VAV2: variants seen among roughly 807,000 people sequenced by gnomAD.
VAV2 encodes the protein vav guanine nucleotide exchange factor 2, also known as guanine nucleotide exchange factor VAV2.
A neutral mutation model predicts 132.5 loss-of-function variants in VAV2; 67 were observed. The ratio of observed to expected loss-of-function variants is 0.51; its 90% CI spans 0.42 to 0.62. The LOEUF (loss-of-function observed/expected upper bound fraction) is 0.62. VAV2 is among the 20% of genes least tolerant of loss of function. VAV2 has a pLI of 0.00. For synonymous variants in VAV2, 492 were observed against 443.5 expected, an observed-to-expected ratio of 1.11 and a Z score of -1.37; for missense variants, 938 against 1,153.6, an observed-to-expected ratio of 0.81 and a Z score of 2.71.
At chr9:133,791,944 AC>A in intron 12 of VAV2, 75 bp from the exon 13 acceptor site, 3 of 1,169,064 alleles carry the variant, frequency 2.6e-6, no homozygotes, top group Non-Finnish European at 3.7e-6. Flanking sequence ...AGCAGGCTGT[AC>A]TGGGTGGGGT....
chr9:133,899,744 G>A (rs1051484027), intron 2 of VAV2, among the ~76,000 whole-genome samples: 4 of 149,368 alleles, frequency 2.7e-5, no homozygotes, highest in African/African-American at 7.3e-5. Context: ...TGGGTGTGCC[G>A]GGCGTGGTGG....
chr9:133,929,774 C>T (rs545085966), intron 2 of VAV2, among the ~76,000 whole-genome samples: 65 of 152,110 alleles, frequency 4.3e-4, no homozygotes, highest in South Asian at 3.1e-3. Context: ...CCACCACCAG[C>T]GACCCCAGTG....
Position 133,912,609 on chromosome 9 carries a change from G to T in VAV2, c.321+26494C>A, listed in dbSNP as rs1375648415. ...TGCTTCTCTGCCCATTTCAATCGCG[G>T]AACACAAATTACACGTGTGATGCTC... On this transcript the variant is annotated intron_variant, in intron 2 of 29. Transcript: ENST00000371850. This position sits in a 1 kb window ranked among gnomAD's most constrained non-coding sequence, Gnocchi z 4.3. Among the ~76,000 whole-genome samples the T allele has an allele frequency of 6.6e-6, 1 of 152,108 alleles. No individual in the cohort carries two copies. Among genetic ancestry groups the T allele is most frequent in the African/African-American group, 2.4e-5 (1 of 41,420 alleles).
At position 133,826,739 on chromosome 9, in the gene VAV2, C is replaced by G. The variant is rs897509935; in HGVS notation, c.449+7533G>C. On this transcript the variant is annotated intron_variant, in intron 4 of 29. Coordinates refer to ENST00000371850, the MANE Select transcript of VAV2 (RefSeq NM_001134398.2). The surrounding 1 kb of genome is among the most constrained non-coding windows in gnomAD (Gnocchi z 4.2). ...CTCTTCTGCCCTGAGTGGGAGCTTT[C>G]AAATTTCTCCCGTGTCCCTTCAATT... Among the ~76,000 whole-genome samples the G allele has an allele frequency of 2.6e-5, 4 of 152,170 alleles. No individual in the cohort carries two copies. The highest frequency in any genetic ancestry group is 9.7e-5 in the African/African-American group (4 of 41,434).
At chr9:133,968,120 C>T (rs1056000205) in intron 1 of VAV2, among the ~76,000 whole-genome samples, 1 of 151,920 alleles carries the variant, frequency 6.6e-6, no homozygotes, top group Non-Finnish European at 1.5e-5. Context: ...GGAACGAGTC[C>T]TAGTGCTCAG....
chr9:133,909,733 C>T (rs1169430179), intron 2 of VAV2, among the ~76,000 whole-genome samples: 1 of 152,224 alleles, frequency 6.6e-6, no homozygotes, highest in Non-Finnish European at 1.5e-5. Flanking sequence ...GGAAGAAACA[C>T]TCTGCCCTGA....
At chr9:133,825,584 C>T (rs1378001694) in intron 4 of VAV2, among the ~76,000 whole-genome samples, 2 of 152,230 alleles carry the variant, frequency 1.3e-5, no homozygotes, top group African/African-American at 4.8e-5. Context: ...GCGTCCTCCA[C>T]AACGCGGACC....
Position 133,788,293 on chromosome 9 carries a change from G to T in VAV2, c.1407+61C>A. ...CCCTTCCCCTGGGGTCTGGAACCCA[G>T]TGCCTCTCTCCAGGCCACCCCCACG... is the stretch of plus-strand genomic sequence containing the variant. On this transcript the variant is annotated intron_variant, in intron 15 of 29. Coordinates refer to ENST00000371850, the MANE Select transcript of VAV2 (RefSeq NM_001134398.2). The surrounding 1 kb of genome is among the most constrained non-coding windows in gnomAD (Gnocchi z 5.3). The T allele has an allele frequency of 7.5e-7, 1 of 1,331,628 alleles. No homozygotes were observed. Among genetic ancestry groups the T allele is most frequent in the African/African-American group, 1.5e-5 (1 of 66,392 alleles). The allele number at this position is 1,331,628 out of a possible 1,614,324, so 82.5% of individuals were successfully genotyped here.
rs755102034 is a variant in VAV2, at chr9:133,789,330, T to C, written c.1202A>G (p.Glu401Gly). ...SSIENLQVKL[E>G]EFGRPKIDGE... The stretch of plus-strand genomic sequence containing the variant: ...GTCAATCTTTGGTCTTCCAAATTCC[T>C]CCAGTTTCACTTGCTGGGAAGAAGG... The change falls in exon 14 of 30, where the codon GAG becomes GGG. Residue 401 changes from glutamate (E) to glycine (G), a missense_variant. Glu to Gly is a moderately conservative substitution (Grantham distance 98). Coordinates refer to ENST00000371850, the MANE Select transcript of VAV2 (RefSeq NM_001134398.2). The C allele has an allele frequency of 6.2e-7, 1 of 1,613,906 alleles. No individual in the cohort carries two copies. Among genetic ancestry groups the C allele is most frequent in the South Asian group, 1.1e-5 (1 of 91,084 alleles).
intron 3 of VAV2, among the ~76,000 whole-genome samples, chr9:133,846,383 C>A (rs1299351282): frequency 6.6e-6 from 1 of 152,246 alleles, no homozygotes; most frequent in South Asian, 2.1e-4. Flanking sequence ...CCCTCCGCCA[C>A]TCCCACCTGG....
chr9:133,848,148 C>T (rs947989547), intron 3 of VAV2, among the ~76,000 whole-genome samples: 6 of 151,502 alleles, frequency 4.0e-5, no homozygotes, highest in Non-Finnish European at 5.9e-5. Flanking sequence ...GGTGTAGTGG[C>T]GGGCGCCTGT....
intron 1 of VAV2, among the ~76,000 whole-genome samples, chr9:133,970,534 C>T (rs1322308179): frequency 6.6e-6 from 1 of 152,170 alleles, no homozygotes; most frequent in Non-Finnish European, 1.5e-5. Context: ...GCACCCACAG[C>T]CCTGTGGTTG....
chr9:133,949,918 T>A (rs1841498739), intron 1 of VAV2, among the ~76,000 whole-genome samples: 2 of 152,198 alleles, frequency 1.3e-5, no homozygotes, highest in Admixed American at 6.5e-5. Flanking sequence ...TTTCTCACAG[T>A]CTGCTCCTGT....
intron 2 of VAV2, among the ~76,000 whole-genome samples, chr9:133,925,161 G>A (rs1026371132): frequency 1.3e-5 from 2 of 152,230 alleles, no homozygotes; most frequent in South Asian, 2.1e-4. Flanking sequence ...TCTGTTCGAT[G>A]CTGCTGAAAT....
intron 2 of VAV2, among the ~76,000 whole-genome samples, chr9:133,937,455 CTGAGTG>C (rs1564480632): frequency 6.8e-6 from 1 of 147,978 alleles, no homozygotes; most frequent in African/African-American, 2.5e-5. Flanking sequence ...CTGTGTGTGT[CTGAGTG>C]TGAGTGTGAA....
chr9:133,823,840 TG>T lies in VAV2; in HGVS notation c.449+10431del, dbSNP rs1366572812. 6.6e-6 allele frequency among the ~76,000 whole-genome samples: 1 copy of T among 152,132 alleles called. No homozygotes were observed. Among genetic ancestry groups the T allele is most frequent in the East Asian group, 1.9e-4 (1 of 5,188 alleles). ...ACGAGGTATTAAAAATGAAAACCCC[TG>T]GAAGTCCCAGGCCATACCTGCTCAC... On this transcript the variant is annotated intron_variant, in intron 4 of 29. Coordinates refer to ENST00000371850, the MANE Select transcript of VAV2 (RefSeq NM_001134398.2). This position sits in a 1 kb window ranked among gnomAD's most constrained non-coding sequence, Gnocchi z 5.5.
intron 2 of VAV2, among the ~76,000 whole-genome samples, chr9:133,896,177 G>A (rs936804187): frequency 5.9e-5 from 9 of 152,184 alleles, no homozygotes; most frequent in African/African-American, 9.6e-5. Context: ...TTAGTAGGTC[G>A]GGCGCAGTGG....
At position 133,795,742 on chromosome 9, in the gene VAV2, A is replaced by G. The variant is rs1417701858; in HGVS notation, c.1033-6T>C. 5 of 1,613,330 alleles carry G rather than the reference A, an allele frequency of 3.1e-6. No individual in the cohort carries two copies. Among genetic ancestry groups the G allele is most frequent in the African/African-American group, 1.3e-5 (1 of 74,930 alleles). ...GCAGAATGGCTCAGAAGCTCCTGGA[A>G]GGGTGAGAAGAGTGTCATGTGTTAC... On this transcript the variant is annotated splice_region_variant and splice_polypyrimidine_tract_variant and intron_variant, in intron 11 of 29. Transcript: ENST00000371850.
rs553955744 is a variant in VAV2 at position 133,776,432 on chromosome 9, C to T, written c.1966-352G>A. Reference sequence around the variant, plus strand: ...CTCCCTGCTCCAGAGGTCTGGAAACCCCGGGGTGGGGGTCTGGTGGTGGCC... The same window carrying T: ...CTCCCTGCTCCAGAGGTCTGGAAACTCCGGGGTGGGGGTCTGGTGGTGGCC... On this transcript the variant is annotated intron_variant, in intron 23 of 29. Transcript: ENST00000371850. Among the ~76,000 whole-genome samples the T allele has an allele frequency of 4.6e-5, 7 of 152,312 alleles. No individual in the cohort carries two copies. In the South Asian group the frequency reaches 1.5e-3, roughly 32 times the overall value.
Sources: allele counts gnomAD v4.1 joint callset (sites outside exome capture counted in the v4.1 genomes callset), GRCh38; gene constraint gnomAD v4.1.1; non-coding constraint Gnocchi (gnomAD v3.1); transcripts MANE v1.5; gene names NCBI Gene and HGNC (gene_info 2026-07-23, HGNC 2026-07-21).